The following KCND3 variants were observed in gnomAD, a reference collection of about 807,000 sequenced individuals.
KCND3 encodes A-type voltage-gated potassium channel KCND3.
Under a neutral mutation model 51.1 loss-of-function variants are expected in KCND3, and 9 were observed. That is an observed-to-expected ratio of 0.18 (90% CI 0.11 to 0.31). The LOEUF is 0.31. KCND3 is among the 10% of genes least tolerant of loss of function. The pLI is 1.00. For synonymous variants in KCND3, 349 were observed against 368.0 expected (o/e 0.95, Z 0.59); for missense variants, 526 against 903.8 (o/e 0.58, Z 5.36).
At chr1:111,862,622 A>G (rs1346235276) in intron 2 of KCND3, among the ~76,000 whole-genome samples, 2 of 152,220 alleles carry the variant, frequency 1.3e-5, no homozygotes, top group Non-Finnish European at 2.9e-5. Context: ...AGTTCAAAGT[A>G]TAGGCTCTGA....
chr1:111,806,707 A>G (rs967099580), intron 2 of KCND3, among the ~76,000 whole-genome samples: 1 of 152,224 alleles, frequency 6.6e-6, no homozygotes, highest in Non-Finnish European at 1.5e-5. Flanking sequence ...ATAAGGAATC[A>G]TGGGCCATAA....
At chr1:111,924,917 C>T (rs993059660) in intron 2 of KCND3, among the ~76,000 whole-genome samples, 1 of 152,246 alleles carries the variant, frequency 6.6e-6, no homozygotes, top group Admixed American at 6.5e-5. Flanking sequence ...TAAGTGAACA[C>T]TTCTGAGACA....
Position 111,900,653 on chromosome 1 carries a change from T to TAA in KCND3, c.1106+80966_1106+80967dup, listed in dbSNP as rs35244561. Among the ~76,000 whole-genome samples, 681 of 147,926 alleles carry TAA rather than the reference T, an allele frequency of 4.6e-3. 2 individuals carry two copies. The highest frequency in any genetic ancestry group is 5.5e-3 in the Non-Finnish European group (366 of 66,554). On this transcript the variant is annotated intron_variant, in intron 2 of 7. Transcript: ENST00000302127. ...CCAGTGCCTGGTAAACAGTGAATGC[T>TAA]AAAAAAAAAAAATACTGATTGAGGC...
chr1:111,951,157 C>CAAAAAAAAAAAAA (rs71081206), intron 2 of KCND3, among the ~76,000 whole-genome samples: 1 of 30,610 alleles, frequency 3.3e-5, no homozygotes. Flanking sequence ...CAAACAAGAG[C>CAAAAAAAAAAAAA]AAAAAAAAAA....
chr1:111,841,929 C>A (rs1159706507), intron 2 of KCND3, among the ~76,000 whole-genome samples: 1 of 152,192 alleles, frequency 6.6e-6, no homozygotes, highest in Non-Finnish European at 1.5e-5. Context: ...GGAGTACAGG[C>A]CTGGGGGGGT....
intron 2 of KCND3, among the ~76,000 whole-genome samples, chr1:111,821,062 A>G (rs1397262394): frequency 6.6e-6 from 1 of 152,200 alleles, no homozygotes; most frequent in Non-Finnish European, 1.5e-5. Context: ...ATACATTGTT[A>G]TGGCAGCCCT....
intron 2 of KCND3, among the ~76,000 whole-genome samples, chr1:111,863,706 C>T (rs1367113463): frequency 6.6e-6 from 1 of 152,126 alleles, no homozygotes; most frequent in Non-Finnish European, 1.5e-5. Context: ...ATCCTGCATA[C>T]AATGGGGAGG....
In KCND3 at chr1:111,832,585, A is replaced by G. The variant is rs74109703; in HGVS notation, c.1107-45479T>C. Among the ~76,000 whole-genome samples, 470 of 152,240 alleles carry G rather than the reference A, an allele frequency of 3.1e-3. 1 individual carries two copies. Among genetic ancestry groups the G allele is most frequent in the African/African-American group, 0.01 (433 of 41,534 alleles). ...GCCAGAACGATTTCCAAGACAGTGCAGGGAAAGCTGAGCCCCTGGTCCTGC... is the reference window on the plus strand; with the variant it reads ...GCCAGAACGATTTCCAAGACAGTGCGGGGAAAGCTGAGCCCCTGGTCCTGC... On this transcript the variant is annotated intron_variant, in intron 2 of 7. Coordinates refer to ENST00000302127, the MANE Select transcript of KCND3 (RefSeq NM_001378969.1).
Position 111,780,270 on chromosome 1 carries a change from G to C in KCND3, c.1416C>G (p.Ile472Met). 1.3e-6 allele frequency: 2 copies of C among 1,587,560 alleles called. No homozygotes were observed. Among genetic ancestry groups the C allele is most frequent in the African/African-American group, 1.3e-5 (1 of 74,680 alleles). The change falls in exon 5 of 8, where the codon ATC becomes ATG. Residue 472 changes from isoleucine to methionine, a missense_variant. Physicochemically the swap from Ile to Met is conservative, Grantham distance 10. Transcript: ENST00000302127. This position sits in a 1 kb window ranked among gnomAD's most constrained non-coding sequence, Gnocchi z 4.2. ...EEHMGKTTSL[I>M]ESQHHHLLHC... ...GCAGCAGGTGATGATGCTGGCTCTCGATGAGTGAGGTGGTCTTGCCCATGT... is the reference window on the plus strand; with the variant it reads ...GCAGCAGGTGATGATGCTGGCTCTCCATGAGTGAGGTGGTCTTGCCCATGT...
chr1:111,955,273 G>T (rs931646522), intron 2 of KCND3, among the ~76,000 whole-genome samples: 1 of 152,070 alleles, frequency 6.6e-6, no homozygotes, highest in African/African-American at 2.4e-5. Context: ...AATTAGCCAG[G>T]TGTGGTGGCA....
At chr1:111,920,571 G>C (rs1369201986) in intron 2 of KCND3, among the ~76,000 whole-genome samples, 2 of 152,220 alleles carry the variant, frequency 1.3e-5, no homozygotes, top group African/African-American at 4.8e-5. Context: ...GAAAACCCCA[G>C]GCCAAATGTG....
rs1291188648 is a variant in KCND3, at chr1:111,774,395, C to G, written c.*1682G>C. On this transcript the variant is annotated 3_prime_UTR_variant, in exon 8 of 8. Coordinates refer to ENST00000302127, the MANE Select transcript of KCND3 (RefSeq NM_001378969.1). Reference sequence around the variant, plus strand: ...CAAGGTGGCTGGGTGTTGGGAAGGGCAGGAAAGGACTTGTCACTAACCCTG... The same window carrying G: ...CAAGGTGGCTGGGTGTTGGGAAGGGGAGGAAAGGACTTGTCACTAACCCTG... 6.6e-6 allele frequency: 1 copy of G among 152,232 alleles called. No individual in the cohort carries two copies. The highest frequency in any genetic ancestry group is 2.4e-5 in the African/African-American group (1 of 41,436). 9.4% of individuals were successfully genotyped at this position (152,232 alleles called of 1,614,324 possible).
intron 2 of KCND3, among the ~76,000 whole-genome samples, chr1:111,926,636 C>T (rs1234545622): frequency 2.0e-5 from 3 of 152,228 alleles, no homozygotes; most frequent in Admixed American, 6.5e-5. Flanking sequence ...AAGTGGCTTG[C>T]CCAGGCCTGC....
intron 2 of KCND3, among the ~76,000 whole-genome samples, chr1:111,890,662 T>C (rs1463930597): frequency 2.0e-5 from 3 of 151,818 alleles, no homozygotes; most frequent in Non-Finnish European, 4.4e-5. Context: ...GGAGTGAGTG[T>C]AAATGGAGAA....
At position 111,780,667 on chromosome 1, in the gene KCND3, G is replaced by A. The variant is rs1664337361; in HGVS notation, c.1371+23C>T. On this transcript the variant is annotated intron_variant, in intron 4 of 7. Coordinates refer to ENST00000302127, the MANE Select transcript of KCND3 (RefSeq NM_001378969.1). The surrounding 1 kb of genome is among the most constrained non-coding windows in gnomAD (Gnocchi z 4.2). ...CCCATCTACCCCTTTATGTTCCCTA[G>A]CCCAGGTCCTCTAGGCACCTACCGT... 4 of 1,583,118 alleles carry A rather than the reference G, an allele frequency of 2.5e-6. No individual in the cohort carries two copies. The East Asian group carries it at 6.8e-5, about 27-fold the overall frequency.
chr1:111,939,386 C>G (rs1025717630), intron 2 of KCND3, among the ~76,000 whole-genome samples: 4 of 152,102 alleles, frequency 2.6e-5, no homozygotes, highest in African/African-American at 9.7e-5. Context: ...TGTAGTTCCC[C>G]ACCCCCCAAC....
chr1:111,938,783 C>A (rs1321297265), intron 2 of KCND3, among the ~76,000 whole-genome samples: 2 of 152,148 alleles, frequency 1.3e-5, no homozygotes, highest in African/African-American at 4.8e-5. Context: ...TGTCAATAAT[C>A]CCAGAGAGGG....
At chr1:111,791,430 G>A (rs998865987) in intron 2 of KCND3, among the ~76,000 whole-genome samples, 10 of 152,174 alleles carry the variant, frequency 6.6e-5, no homozygotes, top group Admixed American at 6.5e-5. Flanking sequence ...GATTGCAGTC[G>A]GGGAGGAAGA....
chr1:111,926,621 T>A (rs558834412), intron 2 of KCND3, among the ~76,000 whole-genome samples: 7 of 152,290 alleles, frequency 4.6e-5, no homozygotes, highest in African/African-American at 1.7e-4. Context: ...GAGGCTAGAG[T>A]GGGGAAGTGG....
Sources: gnomAD v4.1 joint callset for allele counts (sites outside exome capture counted in the v4.1 genomes callset) on GRCh38, gnomAD v4.1.1 for gene constraint, Gnocchi (gnomAD v3.1) non-coding constraint, MANE v1.5 for transcripts, NCBI Gene and HGNC (gene_info 2026-07-23, HGNC 2026-07-21) for gene names.